Variants in NRXN3 observed in about 807,000 individuals in gnomAD.
NRXN3 encodes neurexin III.
In NRXN3, 32 loss-of-function variants were observed where a neutral mutation model predicts 137.6. That is an observed-to-expected ratio of 0.23 (90% CI 0.18 to 0.31). The LOEUF is 0.31. Ranked by LOEUF, NRXN3 falls within the 10% of genes least tolerant of loss-of-function variation. The probability of loss-of-function intolerance (pLI) is 1.00; values close to 1 mark genes in which losing one functional copy is unlikely to be tolerated. For missense variants in NRXN3, 1,574 were observed against 2,062.5 expected (o/e 0.76, Z 4.59); for synonymous variants, 798 against 784.5 (o/e 1.02, Z -0.29).
chr14:79,612,460 GGGT>G (rs2098114745), intron 16 of NRXN3, among the ~76,000 whole-genome samples: 1 of 152,184 alleles, frequency 6.6e-6, no homozygotes, highest in Non-Finnish European at 1.5e-5. Flanking sequence ...GCCAGCCAAA[GGGT>G]GGCAAACTGA....
chr14:78,641,868 C>T (rs867730589), intron 4 of NRXN3, among the ~76,000 whole-genome samples: 1 of 152,170 alleles, frequency 6.6e-6, no homozygotes, highest in African/African-American at 2.4e-5. Flanking sequence ...TTCTTCCTCA[C>T]GTTGGTTTTA....
intron 15 of NRXN3, among the ~76,000 whole-genome samples, chr14:79,283,007 A>G (rs371714264): frequency 2.6e-5 from 4 of 152,224 alleles, no homozygotes; most frequent in Non-Finnish European, 5.9e-5. Context: ...TAAAAGGACC[A>G]GAAGACCCCA....
chr14:78,734,550 G>T (rs1435037131), intron 8 of NRXN3, among the ~76,000 whole-genome samples: 2 of 152,196 alleles, frequency 1.3e-5, no homozygotes, highest in African/African-American at 4.8e-5. Flanking sequence ...CTAGTGACAG[G>T]AGAAAGACAT....
In NRXN3 at chr14:78,515,258, C is replaced by A. The variant is rs17107787; in HGVS notation, c.758-129862C>A. On this transcript the variant is annotated intron_variant, in intron 4 of 20. Transcript: ENST00000335750. ...GGGATAGAGGGATGCTCATCTTCGA[C>A]CTGGTAATCAATGGAATCCAGACTG... 4.8e-3 allele frequency among the ~76,000 whole-genome samples: 730 copies of A among 152,250 alleles called. 42 individuals are homozygous for A. The East Asian group carries it at 0.098, about 20-fold the overall frequency.
intron 16 of NRXN3, among the ~76,000 whole-genome samples, chr14:79,625,667 T>C (rs1675203776): frequency 1.3e-5 from 2 of 152,216 alleles, no homozygotes; most frequent in Admixed American, 1.3e-4. Flanking sequence ...AGTTTAGTCT[T>C]CACATTCTAA....
At position 79,099,276 on chromosome 14, in the gene NRXN3, G is replaced by T. The variant is rs547861107; in HGVS notation, c.3262+111135G>T. ...TTGAGTAACTGTCATTTCTTTGTGA[G>T]ATTTAATTCTAGACCCTAATTCTCT... On this transcript the variant is annotated intron_variant, in intron 15 of 20. Coordinates refer to ENST00000335750, the MANE Select transcript of NRXN3 (RefSeq NM_001330195.2). Among the ~76,000 whole-genome samples the T allele has an allele frequency of 2.3e-4, 35 of 152,230 alleles. 1 individual carries two copies. In the South Asian group the frequency reaches 7.3e-3, roughly 32 times the overall value.
In NRXN3 at chr14:78,476,845, G is replaced by A. The variant is rs1398184752; in HGVS notation, c.758-168275G>A. Among the ~76,000 whole-genome samples, 3 of 152,196 alleles carry A rather than the reference G, an allele frequency of 2.0e-5. No individual in the cohort carries two copies. The East Asian group carries it at 5.8e-4, about 29-fold the overall frequency. Reference sequence around the variant, plus strand: ...TTCATGTAGTAACTGGGAATTCTTAGTTAATATTTGTCTGCAGATCCATTT... The same window carrying A: ...TTCATGTAGTAACTGGGAATTCTTAATTAATATTTGTCTGCAGATCCATTT... On this transcript the variant is annotated intron_variant, in intron 4 of 20. Coordinates refer to ENST00000335750, the MANE Select transcript of NRXN3 (RefSeq NM_001330195.2).
chr14:79,737,072 G>T (rs748072104), intron 19 of NRXN3, among the ~76,000 whole-genome samples: 19 of 152,184 alleles, frequency 1.2e-4, no homozygotes, highest in Non-Finnish European at 2.6e-4. Flanking sequence ...AATTTTTTGT[G>T]TGTTATTTAA....
Position 78,966,062 on chromosome 14 carries a change from C to A in NRXN3, c.2433C>A (p.His811Gln). 1.9e-6 allele frequency: 3 copies of A among 1,614,144 alleles called. No homozygotes were observed. The highest frequency in any genetic ancestry group is 1.7e-6 in the Non-Finnish European group (2 of 1,180,006). ...GAGACCATACCCGTTTGGAGTTCCA[C>A]AACATTGAAACGGGAATCATGACTG... ...MVGDHTRLEF[H>Q]NIETGIMTEK... Residue 811 changes from histidine (H) to glutamine (Q), a missense_variant, in exon 12 of 21, where the codon CAC (histidine) becomes CAA (glutamine). His to Gln is a conservative substitution (Grantham distance 24). This residue lies in a region of NRXN3 where 718 missense variants were observed against 887.6 expected (regional missense o/e 0.81). Coordinates refer to ENST00000335750, the MANE Select transcript of NRXN3 (RefSeq NM_001330195.2).
At chr14:78,713,047 T>C (rs1033530832) in intron 7 of NRXN3, among the ~76,000 whole-genome samples, 1 of 152,224 alleles carries the variant, frequency 6.6e-6, no homozygotes, top group African/African-American at 2.4e-5. Context: ...AATACCTATT[T>C]TAAAATTTCT....
intron 4 of NRXN3, among the ~76,000 whole-genome samples, chr14:78,536,205 A>T (rs1401775701): frequency 6.6e-6 from 1 of 152,190 alleles, no homozygotes; most frequent in Non-Finnish European, 1.5e-5. Context: ...CCAGAAGTGC[A>T]GAGAAATTAA....
chr14:78,967,994 T>C (rs1487636962), intron 13 of NRXN3, among the ~76,000 whole-genome samples, 179 bp from the exon 14 acceptor site: 1 of 149,380 alleles, frequency 6.7e-6, no homozygotes, highest in Non-Finnish European at 1.5e-5. Context: ...ATAATAAATA[T>C]TGGTTTCCTT....
intron 15 of NRXN3, among the ~76,000 whole-genome samples, chr14:79,407,384 C>T (rs1394313324): frequency 6.6e-6 from 1 of 152,118 alleles, no homozygotes; most frequent in Non-Finnish European, 1.5e-5. Context: ...CATCATGCTT[C>T]CCATGCCTTC....
intron 15 of NRXN3, among the ~76,000 whole-genome samples, chr14:79,355,568 C>T (rs1205866491): frequency 2.0e-5 from 3 of 152,200 alleles, no homozygotes; most frequent in Non-Finnish European, 2.9e-5. Context: ...AGTGGGATGA[C>T]AGTTGGTCAC....
chr14:79,027,703 A>G (rs2099600912), intron 15 of NRXN3, among the ~76,000 whole-genome samples: 1 of 152,100 alleles, frequency 6.6e-6, no homozygotes, highest in Non-Finnish European at 1.5e-5. Flanking sequence ...CAGCTCTGGA[A>G]AGGATGTTGT....
rs892895760 is a variant in NRXN3, at chr14:79,441,535, G to A, written c.3263-25686G>A. Among the ~76,000 whole-genome samples, 60 of 151,394 alleles carry A rather than the reference G, an allele frequency of 4.0e-4. 1 individual carries two copies. The highest frequency in any genetic ancestry group is 6.3e-4 in the South Asian group (3 of 4,770). ...GCTGGAACTACAGGCGCCCGCCACC[G>A]CACCCGGCTAATTTGTTTGTATTTT... On this transcript the variant is annotated intron_variant, in intron 15 of 20. Transcript: ENST00000335750.
intron 16 of NRXN3, among the ~76,000 whole-genome samples, chr14:79,475,067 C>T (rs1199495543): frequency 6.6e-6 from 1 of 152,096 alleles, no homozygotes; most frequent in East Asian, 1.9e-4. Context: ...GAACCAAAGT[C>T]CTAATGGAGG....
At chr14:79,560,175 G>A (rs192293180) in intron 16 of NRXN3, among the ~76,000 whole-genome samples, 7 of 151,936 alleles carry the variant, frequency 4.6e-5, no homozygotes, top group Non-Finnish European at 7.4e-5. Flanking sequence ...AATAATGTTC[G>A]CTATGAATGC....
intron 20 of NRXN3, among the ~76,000 whole-genome samples, chr14:79,857,323 G>A (rs546728210): frequency 5.3e-5 from 8 of 152,178 alleles, no homozygotes; most frequent in African/African-American, 1.9e-4. Flanking sequence ...CCAGGTTCAC[G>A]CCATTCTCCT....
Sources: gnomAD v4.1 joint callset for allele counts (sites outside exome capture counted in the v4.1 genomes callset) on GRCh38, gnomAD v4.1.1 for gene constraint, gnomAD v4.1.1 regional missense constraint, MANE v1.5 for transcripts, NCBI Gene and HGNC (gene_info 2026-07-23, HGNC 2026-07-21) for gene names.